The following FHIT variants were observed in gnomAD, a reference collection of about 807,000 sequenced individuals.
FHIT encodes the protein bis(5'-adenosyl)-triphosphatase.
Under a neutral mutation model 17.9 loss-of-function variants are expected in FHIT, and 19 were observed. The ratio of observed to expected loss-of-function variants is 1.06; its 90% CI spans 0.74 to 1.56. FHIT has a LOEUF of 1.56. Ranked by LOEUF, FHIT falls within the 40% of genes most tolerant of loss-of-function variation. The probability of loss-of-function intolerance (pLI) is 0.00; values close to 1 mark genes in which losing one functional copy is unlikely to be tolerated. For missense variants in FHIT, 248 were observed against 189.2 expected, an observed-to-expected ratio of 1.31 and a Z score of -1.82; for synonymous variants, 81 against 69.7, an observed-to-expected ratio of 1.16 and a Z score of -0.81.
intron 5 of FHIT, among the ~76,000 whole-genome samples, chr3:60,282,670 C>T (rs76782640): frequency 3.9e-4 from 59 of 151,788 alleles, no homozygotes; most frequent in African/African-American, 1.4e-3. Context: ...GGTGGTGGGG[C>T]GGGGATGGGG....
intron 4 of FHIT, among the ~76,000 whole-genome samples, chr3:60,571,377 C>G (rs571339069): frequency 8.5e-6 from 1 of 117,230 alleles, no homozygotes; most frequent in East Asian, 2.5e-4. Context: ...CAATGAATGA[C>G]GTATTACCAA....
chr3:60,822,291 G>T lies in FHIT; in HGVS notation c.-110-280C>A, dbSNP rs559335415. 4.6e-5 allele frequency among the ~76,000 whole-genome samples: 7 copies of T among 152,170 alleles called. No homozygotes were observed. The East Asian group carries it at 1.3e-3, about 29-fold the overall frequency. ...ATTCATTTCTGATTCCTAGTCCAGG[G>T]TTGTTTCAGCCACATCATCTGATCC... On this transcript the variant is annotated intron_variant, in intron 3 of 9. Transcript: ENST00000492590.
intron 3 of FHIT, among the ~76,000 whole-genome samples, chr3:60,878,675 T>A (rs1704802807): frequency 6.6e-6 from 1 of 152,002 alleles, no homozygotes; most frequent in Non-Finnish European, 1.5e-5. Context: ...GTGTGTGATG[T>A]TCCCCTTCCT....
intron 7 of FHIT, among the ~76,000 whole-genome samples, chr3:59,985,388 G>A (rs1708849172): frequency 6.6e-6 from 1 of 152,088 alleles, no homozygotes; most frequent in Non-Finnish European, 1.5e-5. Flanking sequence ...AGTATTATCA[G>A]GTGTTGCTTT....
intron 5 of FHIT, among the ~76,000 whole-genome samples, chr3:60,312,983 C>G (rs1309610277): frequency 6.6e-6 from 1 of 152,124 alleles, no homozygotes; most frequent in African/African-American, 2.4e-5. Context: ...ATCCATAACC[C>G]AGTTGATTCA....
chr3:61,211,489 C>A (rs1303867409), intron 1 of FHIT, among the ~76,000 whole-genome samples: 2 of 152,230 alleles, frequency 1.3e-5, no homozygotes, highest in Non-Finnish European at 2.9e-5. Flanking sequence ...CTTAGGTAAA[C>A]AAAGCTGCCA....
At chr3:60,792,522 C>T (rs1700819390) in intron 4 of FHIT, among the ~76,000 whole-genome samples, 1 of 152,206 alleles carries the variant, frequency 6.6e-6, no homozygotes, top group South Asian at 2.1e-4. Context: ...GCCTGAGGAG[C>T]TTAAACATTT....
intron 4 of FHIT, among the ~76,000 whole-genome samples, chr3:60,819,361 A>G (rs1328473134): frequency 3.9e-5 from 6 of 152,174 alleles, no homozygotes; most frequent in African/African-American, 1.4e-4. Flanking sequence ...ACATCAATCA[A>G]TTCTAGCTCT....
intron 8 of FHIT, among the ~76,000 whole-genome samples, chr3:59,920,231 C>T (rs1487056243): frequency 6.6e-6 from 1 of 152,164 alleles, no homozygotes; most frequent in Non-Finnish European, 1.5e-5. Flanking sequence ...TTAGTAGATG[C>T]CACTGGGATT....
At chr3:60,328,721 A>G (rs117269254) in intron 5 of FHIT, among the ~76,000 whole-genome samples, 1 of 152,158 alleles carries the variant, frequency 6.6e-6, no homozygotes, top group Non-Finnish European at 1.5e-5. Context: ...AAAGACCACC[A>G]ATAATAAGAT....
intron 4 of FHIT, among the ~76,000 whole-genome samples, chr3:60,742,871 T>G (rs2042267274): frequency 6.6e-6 from 1 of 152,208 alleles, no homozygotes; most frequent in African/African-American, 2.4e-5. Context: ...TAGTTCCTCA[T>G]AAAGAGATGG....
intron 1 of FHIT, among the ~76,000 whole-genome samples, chr3:61,223,917 T>C (rs1490400618): frequency 2.0e-5 from 3 of 149,566 alleles, no homozygotes; most frequent in African/African-American, 4.9e-5. Context: ...TTAAGAACCA[T>C]ATAAATTTGC....
chr3:60,880,403 A>G (rs1704905765), intron 3 of FHIT, among the ~76,000 whole-genome samples: 1 of 152,236 alleles, frequency 6.6e-6, no homozygotes, highest in African/African-American at 2.4e-5. Flanking sequence ...GCAAAAAATG[A>G]TTATCACTAC....
intron 8 of FHIT, among the ~76,000 whole-genome samples, chr3:59,894,052 A>C (rs903746603): frequency 6.6e-6 from 1 of 152,198 alleles, no homozygotes; most frequent in Non-Finnish European, 1.5e-5. Flanking sequence ...AGATCACTTT[A>C]GACCAGCCTG....
chr3:60,841,111 A>G (rs535812679), intron 3 of FHIT, among the ~76,000 whole-genome samples: 17 of 152,146 alleles, frequency 1.1e-4, no homozygotes, highest in Non-Finnish European at 2.4e-4. Context: ...CTTCATCTGT[A>G]TTTACCACAT....
intron 2 of FHIT, among the ~76,000 whole-genome samples, chr3:61,108,576 C>G (rs2165044): frequency 0.36 from 54,187 of 152,078 alleles, 11,508 homozygotes; most frequent in Non-Finnish European, 0.48. Flanking sequence ...GGTAAAGGAC[C>G]TATCTCCTAG....
chr3:60,391,031 T>C (rs186346523), intron 5 of FHIT, among the ~76,000 whole-genome samples: 4 of 152,000 alleles, frequency 2.6e-5, no homozygotes, highest in African/African-American at 9.6e-5. Flanking sequence ...GTACTACAAA[T>C]ATAAAAATTA....
Position 60,371,226 on chromosome 3 carries a change from T to A in FHIT, c.103+165634A>T, listed in dbSNP as rs555283766. On this transcript the variant is annotated intron_variant, in intron 5 of 9. Transcript: ENST00000492590. ...ATGTGGAGGGAGCATAACAAATATA[T>A]CTTTATTCTCCTGTGTCTAGCACAA... Among the ~76,000 whole-genome samples, 3 of 152,234 alleles carry A rather than the reference T, an allele frequency of 2.0e-5. No homozygotes were observed. In the South Asian group the frequency reaches 6.2e-4, roughly 32 times the overall value.
chr3:59,855,088 A>G (rs1702099177), intron 8 of FHIT, among the ~76,000 whole-genome samples: 1 of 152,236 alleles, frequency 6.6e-6, no homozygotes, highest in South Asian at 2.1e-4. Flanking sequence ...GATCTATCAT[A>G]ACTGTAACAT....
Sources: gnomAD v4.1 joint callset for allele counts (sites outside exome capture counted in the v4.1 genomes callset) on GRCh38, gnomAD v4.1.1 for gene constraint, MANE v1.5 for transcripts, NCBI Gene and HGNC (gene_info 2026-07-23, HGNC 2026-07-21) for gene names.